The following MYO1H variants were observed in gnomAD, a reference collection of about 807,000 sequenced individuals.
MYO1H encodes myosin IH.
In MYO1H, 118 loss-of-function variants were observed where a neutral mutation model predicts 149.3. The ratio of observed to expected loss-of-function variants is 0.79; its 90% CI spans 0.68 to 0.92. MYO1H has a LOEUF of 0.92. MYO1H is among the 40% of genes least tolerant of loss of function. The pLI is 0.00. For missense variants in MYO1H, 1,212 were observed against 1,280.7 expected, an observed-to-expected ratio of 0.95 and a Z score of 0.82; for synonymous variants, 447 against 465.2, an observed-to-expected ratio of 0.96 and a Z score of 0.50.
intron 4 of MYO1H, among the ~76,000 whole-genome samples, 183 bp from the exon 5 acceptor site, chr12:109,397,549 C>G (rs976532793): frequency 2.0e-5 from 3 of 152,116 alleles, no homozygotes; most frequent in Non-Finnish European, 4.4e-5. Context: ...GGGTCCAGAT[C>G]TAGTGTTTGG....
chr12:109,348,157 C>T (rs1868376061), intron 1 of MYO1H, among the ~76,000 whole-genome samples, 185 bp downstream of exon 1: 1 of 152,222 alleles, frequency 6.6e-6, no homozygotes, highest in African/African-American at 2.4e-5. Context: ...TATCTCCCTT[C>T]TGTTGCTGGG....
the MYO1H span, among the ~76,000 whole-genome samples, chr12:109,329,825 C>G: frequency 2.6e-5 from 4 of 152,152 alleles, no homozygotes; most frequent in Non-Finnish European, 5.9e-5. Context: ...ACAATAGAAC[C>G]TCCTACACAC....
At chr12:109,325,239 A>G in the MYO1H span, among the ~76,000 whole-genome samples, 3 of 152,158 alleles carry the variant, frequency 2.0e-5, no homozygotes, top group African/African-American at 7.2e-5. Context: ...TATACCCAGT[A>G]ATGGGATTGC....
intron 15 of MYO1H, among the ~76,000 whole-genome samples, chr12:109,418,547 G>A (rs914296484): frequency 2.0e-5 from 3 of 151,124 alleles, no homozygotes; most frequent in African/African-American, 7.3e-5. Flanking sequence ...ACAGGGTTTT[G>A]TTTTGTTTTG....
At chr12:109,323,507 A>G in the MYO1H span, among the ~76,000 whole-genome samples, 1 of 152,214 alleles carries the variant, frequency 6.6e-6, no homozygotes, top group Non-Finnish European at 1.5e-5. Flanking sequence ...CCTGTTTCTC[A>G]AACTTGCCAG....
intron 17 of MYO1H, among the ~76,000 whole-genome samples, chr12:109,425,229 G>A (rs775962085): frequency 1.3e-5 from 2 of 152,190 alleles, no homozygotes; most frequent in Non-Finnish European, 2.9e-5. Context: ...AGCTACTTTC[G>A]GAGGCTGAGG....
chr12:109,341,497 A>AG, the MYO1H span, among the ~76,000 whole-genome samples: 2 of 152,238 alleles, frequency 1.3e-5, no homozygotes, highest in African/African-American at 4.8e-5. Context: ...TGCTATAGCA[A>AG]GGGAGTCAGC....
intron 1 of MYO1H, among the ~76,000 whole-genome samples, chr12:109,375,075 A>G (rs1359190778): frequency 1.3e-5 from 2 of 151,818 alleles, no homozygotes; most frequent in Non-Finnish European, 2.9e-5. Context: ...GGCTGGTCTC[A>G]AACTCCTGAC....
At chr12:109,389,539 C>T (rs1209766910) in intron 2 of MYO1H, among the ~76,000 whole-genome samples, 1 of 152,162 alleles carries the variant, frequency 6.6e-6, no homozygotes, top group Non-Finnish European at 1.5e-5. Flanking sequence ...GTCCACCACA[C>T]CCCACGAATG....
intron 14 of MYO1H, 95 bp downstream of exon 14, chr12:109,412,080 A>G: frequency 1.3e-6 from 1 of 771,364 alleles, no homozygotes; most frequent in Non-Finnish European, 2.1e-6. Flanking sequence ...GAGAACAACT[A>G]CTTCATACAT....
In MYO1H at chr12:109,396,814, G is replaced by GTTTTTTTTTTT. The variant is rs60551691; in HGVS notation, c.489+252_489+262dup. ...GACATTTGGTTTTTGTTTTGGTTTCGTTTTTTTTTTTTTTTTTTTTTTTTT... is the reference window on the plus strand; with the variant it reads ...GACATTTGGTTTTTGTTTTGGTTTCGTTTTTTTTTTTTTTTTTTTTTTTTTTTTTTTTTTTT... On this transcript the variant is annotated intron_variant, in intron 4 of 31. Transcript: ENST00000310903. 1.8e-3 allele frequency among the ~76,000 whole-genome samples: 92 copies of GTTTTTTTTTTT among 51,076 alleles called. 6 individuals are homozygous for GTTTTTTTTTTT. The highest frequency in any genetic ancestry group is 2.2e-3 in the Non-Finnish European group (56 of 25,118). The allele number at this position is 51,076 out of a possible 152,430, so 33.5% of individuals were successfully genotyped here. A position where few individuals can be genotyped will look rare whatever the true frequency, so the allele number is the denominator to read the frequency against.
chr12:109,418,782 G>A lies in MYO1H; in HGVS notation c.1598-2199G>A, dbSNP rs142705731. 1.5e-3 allele frequency among the ~76,000 whole-genome samples: 228 copies of A among 152,208 alleles called. 2 individuals carry two copies. The East Asian group carries it at 0.043, about 29-fold the overall frequency. On this transcript the variant is annotated intron_variant, in intron 15 of 31. Coordinates refer to ENST00000310903, the Ensembl canonical transcript of MYO1H. ...GATGGTCTCGATCTCCTGACCTCGTGATCCACCCGCCTCAGCCTCTCAAAG... is the reference window on the plus strand; with the variant it reads ...GATGGTCTCGATCTCCTGACCTCGTAATCCACCCGCCTCAGCCTCTCAAAG...
At chr12:109,389,216 T>C (rs530429294) in intron 2 of MYO1H, among the ~76,000 whole-genome samples, 1 of 152,316 alleles carries the variant, frequency 6.6e-6, no homozygotes, top group South Asian at 2.1e-4. Context: ...ATCCAGGCTG[T>C]CATTTTATCA....
intron 24 of MYO1H, among the ~76,000 whole-genome samples, chr12:109,440,084 GA>G (rs369561477): frequency 1.5e-3 from 220 of 151,250 alleles, no homozygotes; most frequent in African/African-American, 5.1e-3. Context: ...ACCCAGGCTA[GA>G]GTGCAGTGGC....
intron 1 of MYO1H, among the ~76,000 whole-genome samples, chr12:109,356,504 T>A (rs1173097116): frequency 6.6e-6 from 1 of 152,236 alleles, no homozygotes; most frequent in Admixed American, 6.5e-5. Context: ...ATCCTCTATT[T>A]AAAACTGCTA....
chr12:109,328,690 G>A, the MYO1H span, among the ~76,000 whole-genome samples: 4 of 145,146 alleles, frequency 2.8e-5, no homozygotes, highest in African/African-American at 1.0e-4. Context: ...TTCTTCTAAT[G>A]TCGTTTTTTC....
At chr12:109,323,026 G>C in the MYO1H span, among the ~76,000 whole-genome samples, 2 of 152,050 alleles carry the variant, frequency 1.3e-5, no homozygotes, top group African/African-American at 4.8e-5. Flanking sequence ...AGAATCGCTT[G>C]AACCTGGGAG....
chr12:109,331,359 T>C, the MYO1H span, among the ~76,000 whole-genome samples: 1 of 152,146 alleles, frequency 6.6e-6, no homozygotes, highest in Non-Finnish European at 1.5e-5. Context: ...GACCTTTCTT[T>C]AACAAGCTTG....
chr12:109,411,648 G>A (rs1415444961), intron 13 of MYO1H, among the ~76,000 whole-genome samples: 1 of 152,174 alleles, frequency 6.6e-6, no homozygotes, highest in African/African-American at 2.4e-5. Context: ...AAGACTTTGA[G>A]TCAGATGGTC....
Sources: gnomAD v4.1 joint callset for allele counts (sites outside exome capture counted in the v4.1 genomes callset) on GRCh38, gnomAD v4.1.1 for gene constraint, MANE v1.5 for transcripts, NCBI Gene and HGNC (gene_info 2026-07-23, HGNC 2026-07-21) for gene names.